The following CNTN4 variants were observed in gnomAD, a reference collection of about 807,000 sequenced individuals.
CNTN4 encodes contactin-4.
Under a neutral mutation model 122.5 loss-of-function variants are expected in CNTN4, and 77 were observed. The ratio of observed to expected loss-of-function variants is 0.63; its 90% confidence interval spans 0.52 to 0.76. CNTN4 has a LOEUF of 0.76. Among genes scored for constraint, CNTN4 ranks in the 30% least tolerant of loss-of-function variants. The probability of loss-of-function intolerance (pLI) is 0.00; values close to 1 mark genes in which losing one functional copy is unlikely to be tolerated. For missense variants in CNTN4, 1,256 were observed against 1,259.1 expected (o/e 1.00, Z 0.04); for synonymous variants, 512 against 447.0 (o/e 1.15, Z -1.83).
intron 23 of CNTN4, among the ~76,000 whole-genome samples, chr3:3,050,529 C>T (rs1487123570): frequency 2.0e-5 from 3 of 151,956 alleles, no homozygotes; most frequent in East Asian, 3.9e-4. Context: ...TTTGGGAGGC[C>T]GAGGTGGGTG....
rs190577753 is a variant in CNTN4 at position 2,425,012 on chromosome 3, C to T, written c.-89+85779C>T. Among the ~76,000 whole-genome samples the T allele has an allele frequency of 1.5e-3, 222 of 152,264 alleles. No homozygotes were observed. The Middle Eastern group carries it at 0.027, about 19-fold the overall frequency. On this transcript the variant is annotated intron_variant, in intron 3 of 24. Transcript: ENST00000418658. ...TAGATTGCAAAAATTTTCTCCCATT[C>T]TGTAGGTTGCCTGTTCACTCTGATG...
At chr3:2,660,230 ACTC>A (rs976246927) in intron 4 of CNTN4, among the ~76,000 whole-genome samples, 6 of 151,158 alleles carry the variant, frequency 4.0e-5, no homozygotes, top group African/African-American at 1.5e-4. Context: ...TAAAAAAAAA[ACTC>A]TAATAGTATA....
intron 6 of CNTN4, among the ~76,000 whole-genome samples, chr3:2,784,861 G>T (rs954882): frequency 1.3e-5 from 2 of 152,182 alleles, no homozygotes; most frequent in East Asian, 1.9e-4. Context: ...TTCAATAAGC[G>T]CTAGTTCCCT....
At chr3:2,376,116 G>C (rs911392164) in intron 3 of CNTN4, among the ~76,000 whole-genome samples, 4 of 152,052 alleles carry the variant, frequency 2.6e-5, no homozygotes, top group Non-Finnish European at 5.9e-5. Flanking sequence ...GGTAACAATA[G>C]AGTGCTAATT....
Position 2,553,784 on chromosome 3 carries a change from C to A in CNTN4, c.-88-17632C>A, listed in dbSNP as rs945539172. 6.6e-5 allele frequency among the ~76,000 whole-genome samples: 10 copies of A among 152,102 alleles called. 1 individual carries two copies. The highest frequency in any genetic ancestry group is 1.5e-4 in the Non-Finnish European group (10 of 68,024). On this transcript the variant is annotated intron_variant, in intron 3 of 24. Transcript: ENST00000418658. ...ATATATCATGAAAAGTTACTATTAA[C>A]TGAATTATTTCTTTTCATTTCACTC...
rs117933195 is a variant in CNTN4 at position 2,865,230 on chromosome 3, A to T, written c.455-1522A>T. 5.8e-4 allele frequency among the ~76,000 whole-genome samples: 89 copies of T among 152,328 alleles called. 1 individual carries two copies. The East Asian group carries it at 0.012, about 21-fold the overall frequency. ...CATAATTATATCTTTCTAAAATAAT[A>T]CATGTGGAAATGTTATAATCCAGTG... On this transcript the variant is annotated intron_variant, in intron 7 of 24. Transcript: ENST00000418658.
intron 2 of CNTN4, among the ~76,000 whole-genome samples, chr3:2,179,032 A>G (rs1009833714): frequency 6.6e-6 from 1 of 152,022 alleles, no homozygotes; most frequent in African/African-American, 2.4e-5. Context: ...TCCTCCTGCC[A>G]TCTTACTCAC....
chr3:3,002,676 CT>C (rs1434952776), intron 14 of CNTN4, among the ~76,000 whole-genome samples: 1 of 152,086 alleles, frequency 6.6e-6, no homozygotes, highest in Non-Finnish European at 1.5e-5. Flanking sequence ...ATGAAGTCCC[CT>C]TCTAATTCTA....
chr3:2,444,655 G>A (rs1432814697), intron 3 of CNTN4, among the ~76,000 whole-genome samples: 2 of 151,936 alleles, frequency 1.3e-5, no homozygotes, highest in Non-Finnish European at 2.9e-5. Context: ...TTAAATTGTA[G>A]CTCACCTGTT....
intron 4 of CNTN4, among the ~76,000 whole-genome samples, chr3:2,662,482 A>G (rs934075606): frequency 6.6e-6 from 1 of 152,186 alleles, no homozygotes; most frequent in African/African-American, 2.4e-5. Flanking sequence ...AGATGCTTTT[A>G]TGATCTAGGC....
chr3:2,326,942 T>C (rs769603578), intron 2 of CNTN4, among the ~76,000 whole-genome samples: 28 of 152,166 alleles, frequency 1.8e-4, no homozygotes, highest in Admixed American at 3.3e-4. Context: ...TTTCTACCTA[T>C]AAAGCTTCCT....
chr3:2,663,341 A>G (rs1189039693), intron 4 of CNTN4, among the ~76,000 whole-genome samples: 1 of 152,208 alleles, frequency 6.6e-6, no homozygotes, highest in Non-Finnish European at 1.5e-5. Context: ...TACTGTAGGT[A>G]AAATATACAT....
chr3:2,542,058 A>G (rs943430497), intron 3 of CNTN4, among the ~76,000 whole-genome samples: 2 of 152,102 alleles, frequency 1.3e-5, no homozygotes, highest in Non-Finnish European at 1.5e-5. Flanking sequence ...GCAGGTATCA[A>G]TCTACCTTTG....
At chr3:2,854,341 C>G (rs1381514308) in intron 7 of CNTN4, among the ~76,000 whole-genome samples, 1 of 131,392 alleles carries the variant, frequency 7.6e-6, no homozygotes, top group African/African-American at 2.9e-5. Context: ...GGCACAATCT[C>G]GGCTCATTGC....
intron 12 of CNTN4, among the ~76,000 whole-genome samples, chr3:2,912,235 A>T (rs2094308585): frequency 6.6e-6 from 1 of 152,232 alleles, no homozygotes; most frequent in Non-Finnish European, 1.5e-5. Flanking sequence ...TAAGATTATC[A>T]ACAGATTTTT....
chr3:2,251,133 C>G (rs1479478964), intron 2 of CNTN4, among the ~76,000 whole-genome samples: 6 of 151,744 alleles, frequency 4.0e-5, no homozygotes, highest in African/African-American at 9.7e-5. Context: ...AAAATGCATC[C>G]TCTCTCCTAT....
At chr3:2,871,758 T>C (rs1003376178) in intron 8 of CNTN4, among the ~76,000 whole-genome samples, 1 of 152,192 alleles carries the variant, frequency 6.6e-6, no homozygotes, top group Admixed American at 6.5e-5. Flanking sequence ...GATTTAGACA[T>C]TTGCTTCGTT....
intron 7 of CNTN4, among the ~76,000 whole-genome samples, chr3:2,823,160 A>G (rs1303933202): frequency 1.3e-5 from 2 of 152,162 alleles, no homozygotes; most frequent in Non-Finnish European, 2.9e-5. Flanking sequence ...CCCTAAAGCG[A>G]GAAGAATCAC....
intron 3 of CNTN4, among the ~76,000 whole-genome samples, chr3:2,477,314 C>T (rs930934069): frequency 2.9e-4 from 44 of 152,218 alleles, no homozygotes; most frequent in African/African-American, 8.7e-4. Context: ...GGAAGAGTTA[C>T]TTAGTTGGAC....
Sources: allele counts gnomAD v4.1 joint callset (sites outside exome capture counted in the v4.1 genomes callset), GRCh38; gene constraint gnomAD v4.1.1; transcripts MANE v1.5; gene names NCBI Gene and HGNC (gene_info 2026-07-23, HGNC 2026-07-21).